The following PLSCR4 variants were observed in gnomAD, a reference collection of about 807,000 sequenced individuals.
PLSCR4 encodes phospholipid scramblase 4.
A neutral mutation model predicts 36.3 loss-of-function variants in PLSCR4; 25 were observed. That is an observed-to-expected ratio of 0.69 (90% confidence interval 0.50 to 0.96). The LOEUF is 0.96. Ranked by LOEUF, PLSCR4 falls within the 40% of genes least tolerant of loss-of-function variation. The pLI, the probability that PLSCR4 is intolerant of heterozygous loss-of-function variation, is 0.00. For missense variants in PLSCR4, 408 were observed against 414.7 expected (o/e 0.98, Z 0.14); for synonymous variants, 122 against 132.9 (o/e 0.92, Z 0.56).
At chr3:146,212,959 T>C (rs146173501) in intron 3 of PLSCR4, among the ~76,000 whole-genome samples, 180 of 152,346 alleles carry the variant, frequency 1.2e-3, no homozygotes, top group African/African-American at 4.1e-3. Flanking sequence ...ATTTCTGTGC[T>C]TACTGATGTG....
chr3:146,206,444 C>A (rs532769377), intron 4 of PLSCR4, 82 bp downstream of exon 4: 1 of 982,988 alleles, frequency 1.0e-6, no homozygotes, highest in South Asian at 1.4e-5. Context: ...CCTTTATTCA[C>A]TCTGGTCTGC....
At chr3:146,214,651 G>C (rs1412539082) in intron 3 of PLSCR4, among the ~76,000 whole-genome samples, 1 of 151,980 alleles carries the variant, frequency 6.6e-6, no homozygotes, top group Admixed American at 6.6e-5. Context: ...TAAATTTGTT[G>C]AGACTTGTTT....
At chr3:146,244,513 T>A (rs899277677) in intron 1 of PLSCR4, among the ~76,000 whole-genome samples, 4 of 152,110 alleles carry the variant, frequency 2.6e-5, no homozygotes, top group Admixed American at 2.6e-4. Flanking sequence ...CTCACAATAT[T>A]TCAGACTTTT....
chr3:146,195,762 T>C (rs1329205816), intron 7 of PLSCR4, among the ~76,000 whole-genome samples: 1 of 152,198 alleles, frequency 6.6e-6, no homozygotes, highest in African/African-American at 2.4e-5. Context: ...ACCTGGCACT[T>C]GTCACAGGGA....
chr3:146,236,740 C>A (rs2035934927), intron 1 of PLSCR4, among the ~76,000 whole-genome samples: 1 of 152,138 alleles, frequency 6.6e-6, no homozygotes, highest in Non-Finnish European at 1.5e-5. Flanking sequence ...ATTGCCCCAT[C>A]TCAGGTATGT....
intron 3 of PLSCR4, among the ~76,000 whole-genome samples, chr3:146,218,173 G>A (rs892335852): frequency 3.3e-5 from 5 of 152,098 alleles, no homozygotes; most frequent in African/African-American, 1.2e-4. Flanking sequence ...GTGAAGGTAA[G>A]TATGTATTTA....
intron 3 of PLSCR4, among the ~76,000 whole-genome samples, chr3:146,216,431 T>TAA (rs142730117): frequency 6.6e-6 from 1 of 151,350 alleles, no homozygotes; most frequent in African/African-American, 2.4e-5. Flanking sequence ...CTATGTTGAT[T>TAA]AAAAAAAAAT....
At chr3:146,209,988 A>C (rs2034536694) in intron 3 of PLSCR4, among the ~76,000 whole-genome samples, 1 of 152,098 alleles carries the variant, frequency 6.6e-6, no homozygotes, top group Non-Finnish European at 1.5e-5. Flanking sequence ...GATATTCATA[A>C]AGGATTGGTT....
At chr3:146,197,377 T>A (rs1253893006) in intron 6 of PLSCR4, among the ~76,000 whole-genome samples, 2 of 152,186 alleles carry the variant, frequency 1.3e-5, no homozygotes, top group African/African-American at 4.8e-5. Context: ...CTTATGCTGC[T>A]TGCTGTGCTG....
At chr3:146,200,418 G>A (rs1559899733) in intron 5 of PLSCR4, among the ~76,000 whole-genome samples, 1 of 151,846 alleles carries the variant, frequency 6.6e-6, no homozygotes, top group Non-Finnish European at 1.5e-5. Flanking sequence ...GGAGGAGTAG[G>A]GTCATTACTA....
intron 4 of PLSCR4, among the ~76,000 whole-genome samples, chr3:146,204,879 C>T (rs1437205238): frequency 6.6e-6 from 1 of 152,024 alleles, no homozygotes; most frequent in East Asian, 1.9e-4. Flanking sequence ...TCTAGCACTT[C>T]ACCTGAATGA....
intron 4 of PLSCR4, among the ~76,000 whole-genome samples, chr3:146,201,701 G>C (rs1175897233): frequency 6.6e-6 from 1 of 152,088 alleles, no homozygotes; most frequent in Non-Finnish European, 1.5e-5. Flanking sequence ...CATGTGAACA[G>C]GATTAGGGGA....
At chr3:146,237,887 AAATC>A (rs1174680512) in intron 1 of PLSCR4, among the ~76,000 whole-genome samples, 4 of 152,062 alleles carry the variant, frequency 2.6e-5, no homozygotes, top group Non-Finnish European at 4.4e-5. Flanking sequence ...ATAAAAAAGA[AAATC>A]AAAAAAGCTA....
chr3:146,215,342 T>C (rs2034841476), intron 3 of PLSCR4, among the ~76,000 whole-genome samples: 1 of 151,962 alleles, frequency 6.6e-6, no homozygotes, highest in African/African-American at 2.4e-5. Flanking sequence ...TTATTCACTA[T>C]GTGTTATATT....
Position 146,193,962 on chromosome 3 carries a change from A to G in PLSCR4, c.*449T>C, listed in dbSNP as rs566028932. The stretch of plus-strand genomic sequence containing the variant: ...TTTGTTTTTAAAAATGAAGACTATC[A>G]TTGAAACAAGTTTGTCTTCAGTATG... On this transcript the variant is annotated 3_prime_UTR_variant, in exon 9 of 9. Coordinates refer to ENST00000354952, the MANE Select transcript of PLSCR4 (RefSeq NM_020353.3). 6.5e-6 allele frequency: 1 copy of G among 153,326 alleles called. No individual in the cohort carries two copies. The highest frequency in any genetic ancestry group is 2.4e-5 in the African/African-American group (1 of 41,596). The allele number at this position is 153,326 out of a possible 1,614,324, so 9.5% of individuals were successfully genotyped here.
At chr3:146,215,919 T>C (rs1375134883) in intron 3 of PLSCR4, among the ~76,000 whole-genome samples, 2 of 152,160 alleles carry the variant, frequency 1.3e-5, no homozygotes, top group African/African-American at 4.8e-5. Flanking sequence ...GGGAAGGGAT[T>C]GACATCTCCT....
At chr3:146,231,247 T>C (rs2035698545) in intron 1 of PLSCR4, among the ~76,000 whole-genome samples, 1 of 152,228 alleles carries the variant, frequency 6.6e-6, no homozygotes, top group Non-Finnish European at 1.5e-5. Flanking sequence ...ATGTACCATA[T>C]ATTCTTTATC....
intron 3 of PLSCR4, among the ~76,000 whole-genome samples, chr3:146,211,324 T>C (rs796520009): frequency 4.6e-5 from 7 of 152,248 alleles, no homozygotes; most frequent in African/African-American, 1.7e-4. Flanking sequence ...CATCTTTTCA[T>C]GTGCTTATTG....
chr3:146,195,403 T>G (rs1265145060), intron 7 of PLSCR4, 121 bp from the exon 8 acceptor site: 2 of 817,280 alleles, frequency 2.4e-6, no homozygotes, highest in Non-Finnish European at 3.8e-6. Flanking sequence ...TTATATAATT[T>G]GAAATGAGAA....
Sources: gnomAD v4.1 joint callset for allele counts (sites outside exome capture counted in the v4.1 genomes callset) on GRCh38, gnomAD v4.1.1 for gene constraint, MANE v1.5 for transcripts, NCBI Gene and HGNC (gene_info 2026-07-23, HGNC 2026-07-21) for gene names.